Variants in LRRC37A2 observed in about 807,000 individuals in gnomAD.
LRRC37A2 encodes the protein leucine-rich repeat-containing protein 37A2.
LRRC37A2 carries 9 observed loss-of-function variants against 68.8 expected under a neutral mutation model. That is an observed-to-expected ratio of 0.13 (90% CI 0.08 to 0.23). LRRC37A2 has a LOEUF of 0.23. LRRC37A2 is among the 10% of genes least tolerant of loss of function. The pLI, the probability that LRRC37A2 is intolerant of heterozygous loss-of-function variation, is 1.00. For synonymous variants in LRRC37A2, 63 were observed against 367.6 expected, an observed-to-expected ratio of 0.17 and a Z score of 9.48; for missense variants, 168 against 950.4, an observed-to-expected ratio of 0.18 and a Z score of 10.82.
the LRRC37A2 span, among the ~76,000 whole-genome samples, chr17:46,825,265 C>T: frequency 1.3e-5 from 2 of 152,158 alleles, no homozygotes; most frequent in South Asian, 4.1e-4. Context: ...TTTCCTTCCA[C>T]TCCCCTGTGT....
At chr17:46,820,217 A>G in the LRRC37A2 span, among the ~76,000 whole-genome samples, 1 of 152,178 alleles carries the variant, frequency 6.6e-6, no homozygotes, top group Non-Finnish European at 1.5e-5. Context: ...CTGCCGGCAC[A>G]GGGAGCGCGG....
chr17:46,792,843 C>T, the LRRC37A2 span, among the ~76,000 whole-genome samples: 1 of 152,096 alleles, frequency 6.6e-6, no homozygotes, highest in African/African-American at 2.4e-5. Context: ...ATGTAAAGCA[C>T]TTTACATAGA....
At chr17:46,836,346 T>G in the LRRC37A2 span, among the ~76,000 whole-genome samples, 1 of 152,166 alleles carries the variant, frequency 6.6e-6, no homozygotes, top group Non-Finnish European at 1.5e-5. Context: ...ACTTCATTCA[T>G]GAAGCCTGGT....
chr17:46,833,999 C>G, the LRRC37A2 span, among the ~76,000 whole-genome samples: 1 of 151,994 alleles, frequency 6.6e-6, no homozygotes, highest in South Asian at 2.1e-4. Context: ...AGTTTGAGAC[C>G]AACCTGGGCA....
At chr17:46,785,954 G>A in the LRRC37A2 span, among the ~76,000 whole-genome samples, 1 of 152,244 alleles carries the variant, frequency 6.6e-6, no homozygotes, top group Non-Finnish European at 1.5e-5. Context: ...TGGCTGATCT[G>A]ATAAGATGTG....
chr17:46,489,330 G>A, the LRRC37A2 span, among the ~76,000 whole-genome samples: 1 of 97,864 alleles, frequency 1.0e-5, no homozygotes, highest in East Asian at 2.5e-4. Context: ...TAGAGACGGG[G>A]TTTCACCATG....
the LRRC37A2 span, among the ~76,000 whole-genome samples, chr17:46,780,733 C>T: frequency 3.3e-5 from 5 of 151,924 alleles, no homozygotes; most frequent in Middle Eastern, 3.4e-3. Flanking sequence ...GCTGAGATGG[C>T]GCCACTGCGC....
chr17:47,037,564 A>C, the LRRC37A2 span, among the ~76,000 whole-genome samples: 1 of 152,228 alleles, frequency 6.6e-6, no homozygotes, highest in Non-Finnish European at 1.5e-5. Flanking sequence ...TACATTCATA[A>C]GAAATACTGG....
At chr17:46,726,743 A>G in the LRRC37A2 span, 14 of 838,814 alleles carry the variant, frequency 1.7e-5, no homozygotes, top group South Asian at 1.7e-4. Flanking sequence ...TTGTCTTACA[A>G]GGAAATATAA....
At chr17:47,018,258 T>G in the LRRC37A2 span, 1 of 1,611,408 alleles carries the variant, frequency 6.2e-7, no homozygotes, top group African/African-American at 1.3e-5. Flanking sequence ...GCATGAACTT[T>G]CCATCAGTGA....
chr17:46,830,751 A>G, the LRRC37A2 span: 4 of 398,650 alleles, frequency 1.0e-5, no homozygotes, highest in East Asian at 1.4e-4. Context: ...CGGGTGTTCT[A>G]GAAGGTGAGG....
At chr17:46,990,721 A>C in the LRRC37A2 span, among the ~76,000 whole-genome samples, 2 of 152,012 alleles carry the variant, frequency 1.3e-5, no homozygotes, top group Non-Finnish European at 2.9e-5. Context: ...CCCAGGCTAG[A>C]GTGCAGTGGC....
chr17:46,926,786 G>T, the LRRC37A2 span, among the ~76,000 whole-genome samples: 1 of 152,172 alleles, frequency 6.6e-6, no homozygotes, highest in African/African-American at 2.4e-5. Flanking sequence ...TGGCCACATT[G>T]TCTCTGATTG....
chr17:46,926,656 A>G, the LRRC37A2 span, among the ~76,000 whole-genome samples: 1 of 152,224 alleles, frequency 6.6e-6, no homozygotes, highest in Non-Finnish European at 1.5e-5. Flanking sequence ...TTCCCAGTTC[A>G]GTTTGAGACA....
the LRRC37A2 span, chr17:46,963,598 G>A: frequency 2.6e-5 from 4 of 151,638 alleles, no homozygotes; most frequent in Admixed American, 2.6e-4. Context: ...ATTATAGTTT[G>A]GACACACTTC....
chr17:46,910,508 T>C, the LRRC37A2 span, among the ~76,000 whole-genome samples: 4 of 152,314 alleles, frequency 2.6e-5, no homozygotes, highest in Non-Finnish European at 4.4e-5. Flanking sequence ...GAAGATGTCC[T>C]CTTAGCCATC....
the LRRC37A2 span, among the ~76,000 whole-genome samples, chr17:46,860,308 T>A: frequency 6.6e-6 from 1 of 152,082 alleles, no homozygotes; most frequent in Non-Finnish European, 1.5e-5. Flanking sequence ...TCCTGGTGCC[T>A]TTGGGATTAT....
chr17:46,541,617 G>T (rs1452289363), intron 8 of LRRC37A2, among the ~76,000 whole-genome samples: 4 of 150,718 alleles, frequency 2.7e-5, no homozygotes, highest in African/African-American at 1.0e-4. Flanking sequence ...CACTACAGCT[G>T]GCCCTCCATA....
the LRRC37A2 span, chr17:46,694,687 T>C: frequency 6.4e-7 from 1 of 1,567,058 alleles, no homozygotes; most frequent in Non-Finnish European, 8.7e-7. Context: ...CTAAACAGAT[T>C]ATAAACATTA....
Sources: allele counts gnomAD v4.1 joint callset (sites outside exome capture counted in the v4.1 genomes callset), GRCh38; gene constraint gnomAD v4.1.1; transcripts MANE v1.5; gene names NCBI Gene and HGNC (gene_info 2026-07-23, HGNC 2026-07-21).